LDLRAD2: variants seen among roughly 807,000 people sequenced by gnomAD.
LDLRAD2 encodes the protein low density lipoprotein receptor class A domain containing 2, also known as low-density lipoprotein receptor class A domain-containing protein 2.
A neutral mutation model predicts 24.9 loss-of-function variants in LDLRAD2; 25 were observed. That is an observed-to-expected ratio of 1.00 (90% CI 0.73 to 1.40). The LOEUF (loss-of-function observed/expected upper bound fraction) is 1.40, where lower values mean the gene tolerates loss of function less well. LDLRAD2 is among the 40% of genes most tolerant of loss of function. The probability of loss-of-function intolerance (pLI) is 0.00; values close to 1 mark genes in which losing one functional copy is unlikely to be tolerated. For missense variants in LDLRAD2, 391 were observed against 366.2 expected, an observed-to-expected ratio of 1.07 and a Z score of -0.55; for synonymous variants, 182 against 166.7, an observed-to-expected ratio of 1.09 and a Z score of -0.71.
At position 21,824,054 on chromosome 1, in the gene LDLRAD2, G is replaced by T; in HGVS notation, c.*1839G>T. ...CTCAATACCTGCCTCTCTGCCCATG[G>T]TAGGGGGCGTCCTGCCCCACTCCAG... is the stretch of plus-strand genomic sequence containing the variant. On this transcript the variant is annotated 3_prime_UTR_variant, in exon 5 of 5. Coordinates refer to ENST00000344642, the MANE Select transcript of LDLRAD2 (RefSeq NM_001013693.3). This position sits in a 1 kb window ranked among gnomAD's most constrained non-coding sequence, Gnocchi z 5.9. 1 of 1,417,496 alleles carries T rather than the reference G, an allele frequency of 7.1e-7. No homozygotes were observed. The highest frequency in any genetic ancestry group is 9.8e-7 in the Non-Finnish European group (1 of 1,017,494). 87.8% of individuals were successfully genotyped at this position (1,417,496 alleles called of 1,614,324 possible).
chr1:21,821,918 TGCA>T, intron 4 of LDLRAD2: 1 of 1,416,094 alleles, frequency 7.1e-7, no homozygotes, highest in Non-Finnish European at 9.2e-7. Flanking sequence ...CCCAGGGGGC[TGCA>T]GTTGAGTGGC....
In LDLRAD2 at chr1:21,821,585, C is replaced by A; in HGVS notation, c.779C>A (p.Pro260His). The A allele has an allele frequency of 6.2e-7, 1 of 1,614,050 alleles. No individual in the cohort carries two copies. Among genetic ancestry groups the A allele is most frequent in the South Asian group, 1.1e-5 (1 of 91,078 alleles). ...AGGAGTTCCCCAGCAGGCAGGGACC[C>A]CACGAGACAAGACGCAGCTTTGGAA... Reference protein sequence around the residue: ...AERSSPAGRDPTRQDAALEGS... With the variant: ...AERSSPAGRDHTRQDAALEGS... Residue 260 changes from proline (P) to histidine (H), a missense_variant, in exon 4 of 5, where the codon CCC becomes CAC. By Grantham distance (77) the Pro-to-His change is moderately conservative (BLOSUM62 -2). Coordinates refer to ENST00000344642, the MANE Select transcript of LDLRAD2 (RefSeq NM_001013693.3).
intron 3 of LDLRAD2, among the ~76,000 whole-genome samples, chr1:21,820,255 G>A (rs900647511): frequency 7.3e-5 from 11 of 150,766 alleles, no homozygotes; most frequent in East Asian, 3.9e-4. Context: ...GCGGCAGCCC[G>A]CTGGGCGCGG....
chr1:21,812,300 C>A lies in LDLRAD2; in HGVS notation c.-152C>A. The A allele has an allele frequency of 1.6e-6, 1 of 612,306 alleles. No homozygotes were observed. Among genetic ancestry groups the A allele is most frequent in the Admixed American group, 2.7e-5 (1 of 36,662 alleles). The allele number at this position is 612,306 out of a possible 1,614,324, so 37.9% of individuals were successfully genotyped here. A position where few individuals can be genotyped will look rare whatever the true frequency, so the allele number is the denominator to read the frequency against. ...TGAAGAGGATCTGGAAGGCAAAGCACTAAGATCATAGTGAAGACTTGCCTC... is the reference window on the plus strand; with the variant it reads ...TGAAGAGGATCTGGAAGGCAAAGCAATAAGATCATAGTGAAGACTTGCCTC... On this transcript the variant is annotated 5_prime_UTR_variant, in exon 1 of 5. Coordinates refer to ENST00000344642, the MANE Select transcript of LDLRAD2 (RefSeq NM_001013693.3).
Position 21,823,923 on chromosome 1 carries a change from C to T in LDLRAD2, c.*1708C>T, listed in dbSNP as rs1007017269. 8.7e-5 allele frequency: 64 copies of T among 734,142 alleles called. No individual in the cohort carries two copies. The South Asian group carries it at 1.0e-3, about 12-fold the overall frequency. The allele number at this position is 734,142 out of a possible 1,614,324, so 45.5% of individuals were successfully genotyped here. A position where few individuals can be genotyped will look rare whatever the true frequency, so the allele number is the denominator to read the frequency against. On this transcript the variant is annotated 3_prime_UTR_variant, in exon 5 of 5. Transcript: ENST00000344642. ...TTCTGCACCCAGGTTTCCTCCCACT[C>T]CTGGGGCACTCGCCTGCCCCCAGCG... is the stretch of plus-strand genomic sequence containing the variant.
At chr1:21,818,987 CAGA>C (rs1300343268) in intron 3 of LDLRAD2, among the ~76,000 whole-genome samples, 1 of 150,950 alleles carries the variant, frequency 6.6e-6, no homozygotes, top group African/African-American at 2.4e-5. Context: ...TGTCCTCTAC[CAGA>C]AGACTTTTCT....
At chr1:21,812,591 C>A in intron 1 of LDLRAD2, 55 bp downstream of exon 1, 1 of 1,421,278 alleles carries the variant, frequency 7.0e-7, no homozygotes, top group Non-Finnish European at 9.9e-7. Flanking sequence ...CCCCACCATC[C>A]TTAGAGACTA....
chr1:21,822,248 G>A lies in LDLRAD2; in HGVS notation c.*33G>A, dbSNP rs371757519. The A allele has an allele frequency of 3.1e-5, 49 of 1,602,134 alleles. No individual in the cohort carries two copies. Among genetic ancestry groups the A allele is most frequent in the South Asian group, 5.5e-5 (5 of 90,856 alleles). Reference sequence around the variant, plus strand: ...ATCAAAGACTCAGGAGGCCCCTGGCGGGGATAGCACCGTTTATTAAGAAAA... The same window carrying A: ...ATCAAAGACTCAGGAGGCCCCTGGCAGGGATAGCACCGTTTATTAAGAAAA... On this transcript the variant is annotated 3_prime_UTR_variant, in exon 5 of 5. Coordinates refer to ENST00000344642, the MANE Select transcript of LDLRAD2 (RefSeq NM_001013693.3).
rs2097964122 is a variant in LDLRAD2, at chr1:21,824,630, C to CG, written c.*2418dup. ...CCTCGGGCAGGCTGCGGAGGAAGAG[C>CG]GGGTGAGGGGACAGAAGTCCCAGAT... On this transcript the variant is annotated 3_prime_UTR_variant, in exon 5 of 5. Transcript: ENST00000344642. The surrounding 1 kb of genome is among the most constrained non-coding windows in gnomAD (Gnocchi z 5.9). The CG allele has an allele frequency of 6.2e-7, 1 of 1,613,948 alleles. No individual in the cohort carries two copies. Among genetic ancestry groups the CG allele is most frequent in the African/African-American group, 1.3e-5 (1 of 75,046 alleles).
At chr1:21,821,714 C>T (rs1291439641) in intron 4 of LDLRAD2, 103 bp downstream of exon 4, 35 of 1,545,358 alleles carry the variant, frequency 2.3e-5, no homozygotes, top group Non-Finnish European at 2.9e-5. Context: ...TGGACTTTCT[C>T]TTCCCACAGG....
In LDLRAD2 at chr1:21,824,225, G is replaced by T. The variant is rs751682185; in HGVS notation, c.*2010G>T. 1 of 1,613,694 alleles carries T rather than the reference G, an allele frequency of 6.2e-7. No homozygotes were observed. The highest frequency in any genetic ancestry group is 8.5e-7 in the Non-Finnish European group (1 of 1,179,870). On this transcript the variant is annotated 3_prime_UTR_variant, in exon 5 of 5. Coordinates refer to ENST00000344642, the MANE Select transcript of LDLRAD2 (RefSeq NM_001013693.3). This position sits in a 1 kb window ranked among gnomAD's most constrained non-coding sequence, Gnocchi z 5.9. ...GGTACCTGCAGTCATCCAGGCCCAA[G>T]AAGTATGAGCTGGGGCAGGACCGGG... is the stretch of plus-strand genomic sequence containing the variant.
intron 3 of LDLRAD2, among the ~76,000 whole-genome samples, chr1:21,820,224 T>A (rs959980381): frequency 1.3e-5 from 2 of 152,354 alleles, no homozygotes; most frequent in African/African-American, 4.8e-5. Context: ...AAACGTTATG[T>A]GCTTTGCCAC....
rs779175945 is a variant in LDLRAD2 at position 21,823,319 on chromosome 1, C to A, written c.*1104C>A. ...TCCGTGTGGGGCAGGCAGGTGCCTA[C>A]GAGGGGCAGGGGCGTGTGTTGGCCC... On this transcript the variant is annotated 3_prime_UTR_variant, in exon 5 of 5. Coordinates refer to ENST00000344642, the MANE Select transcript of LDLRAD2 (RefSeq NM_001013693.3). The A allele has an allele frequency of 1.2e-5, 18 of 1,530,778 alleles. No homozygotes were observed. Among genetic ancestry groups the A allele is most frequent in the Middle Eastern group, 1.8e-4 (1 of 5,566 alleles). The allele number at this position is 1,530,778 out of a possible 1,614,324, so 94.8% of individuals were successfully genotyped here. A position where few individuals can be genotyped will look rare whatever the true frequency, so the allele number is the denominator to read the frequency against.
intron 3 of LDLRAD2, among the ~76,000 whole-genome samples, chr1:21,818,760 C>T (rs1441129272): frequency 1.3e-5 from 2 of 152,304 alleles, no homozygotes; most frequent in East Asian, 3.9e-4. Flanking sequence ...CTATCCTGCT[C>T]AAAACCCTCA....
chr1:21,821,694 G>A (rs777221157), intron 4 of LDLRAD2, 83 bp downstream of exon 4: 37 of 1,566,224 alleles, frequency 2.4e-5, no homozygotes, highest in East Asian at 4.5e-5. Context: ...GACCCAGGCC[G>A]AGGCCTGAGT....
At chr1:21,816,600 C>T (rs932291533) in intron 3 of LDLRAD2, among the ~76,000 whole-genome samples, 14 of 152,014 alleles carry the variant, frequency 9.2e-5, no homozygotes, top group Non-Finnish European at 1.5e-4. Context: ...GTGGAAGGGA[C>T]CAGAACAAAT....
At position 21,814,741 on chromosome 1, in the gene LDLRAD2, A is replaced by T; in HGVS notation, c.429A>T (p.Gly143=). 6.5e-7 allele frequency: 1 copy of T among 1,546,740 alleles called. No individual in the cohort carries two copies. Among genetic ancestry groups the T allele is most frequent in the South Asian group, 1.2e-5 (1 of 84,364 alleles). Residue 143 remains glycine, a synonymous_variant, in exon 2 of 5, where the codon GGA becomes GGT. Transcript: ENST00000344642. ...TCCCGGTGCCTGTGGCATCCTCCGG[A>T]CCCTTTCTAGGCCTGCGCCTGGTCA... The part of the protein sequence containing the change: ...LNIPVPVASS[G]PFLGLRLVTR...
intron 2 of LDLRAD2, 37 bp downstream of exon 2, chr1:21,814,860 C>T (rs751656197): frequency 3.7e-5 from 53 of 1,451,496 alleles, no homozygotes; most frequent in Non-Finnish European, 4.6e-5. Flanking sequence ...GGACCCTCTG[C>T]AGAGGCCATG....
At position 21,821,622 on chromosome 1, in the gene LDLRAD2, G is replaced by A. The variant is rs1427638184; in HGVS notation, c.805+11G>A. 6.2e-7 allele frequency: 1 copy of A among 1,611,642 alleles called. No individual in the cohort carries two copies. Among genetic ancestry groups the A allele is most frequent in the Non-Finnish European group, 8.5e-7 (1 of 1,178,130 alleles). ...ACGCAGCTTTGGAAGGTTACACCTTGCTCCTACTCTTCCCACCAAAATCAT... is the reference window on the plus strand; with the variant it reads ...ACGCAGCTTTGGAAGGTTACACCTTACTCCTACTCTTCCCACCAAAATCAT... On this transcript the variant is annotated intron_variant, in intron 4 of 4. Transcript: ENST00000344642.
Sources: gnomAD v4.1 joint callset for allele counts (sites outside exome capture counted in the v4.1 genomes callset) on GRCh38, gnomAD v4.1.1 for gene constraint, Gnocchi (gnomAD v3.1) non-coding constraint, MANE v1.5 for transcripts, NCBI Gene and HGNC (gene_info 2026-07-23, HGNC 2026-07-21) for gene names.